The following RBFOX1 variants were observed in gnomAD, a reference collection of about 807,000 sequenced individuals.
RBFOX1 encodes the protein RNA binding protein fox-1 homolog 1.
Under a neutral mutation model 57.7 loss-of-function variants are expected in RBFOX1, and 8 were observed. The observed-to-expected ratio is 0.14, with a 90% CI of 0.08 to 0.25. The LOEUF (loss-of-function observed/expected upper bound fraction) is 0.25. Ranked by LOEUF, RBFOX1 falls within the 10% of genes least tolerant of loss-of-function variation. RBFOX1 has a pLI of 1.00. For synonymous variants in RBFOX1, 326 were observed against 222.4 expected (o/e 1.47, Z -4.15); for missense variants, 611 against 548.5 (o/e 1.11, Z -1.14).
Position 7,522,967 on chromosome 16 carries a change from C to A in RBFOX1, c.270+4578C>A, listed in dbSNP as rs571343241. Among the ~76,000 whole-genome samples, 49 of 152,282 alleles carry A rather than the reference C, an allele frequency of 3.2e-4. 1 individual carries two copies. In the South Asian group the frequency reaches 9.9e-3, roughly 31 times the overall value. ...TCTGTCCATTATCTCAAAGTCTTTT[C>A]TTGCTCTTTTTTGATCCTCCCCTCC... On this transcript the variant is annotated intron_variant, in intron 5 of 15. Transcript: ENST00000550418.
At chr16:7,596,970 C>T (rs1280774061) in intron 8 of RBFOX1, among the ~76,000 whole-genome samples, 1 of 152,036 alleles carries the variant, frequency 6.6e-6, no homozygotes, top group Non-Finnish European at 1.5e-5. Context: ...TTCCCTTGTA[C>T]CTTGTCTCTT....
At chr16:7,707,782 G>C (rs903330841) in intron 14 of RBFOX1, among the ~76,000 whole-genome samples, 1 of 152,144 alleles carries the variant, frequency 6.6e-6, no homozygotes, top group African/African-American at 2.4e-5. Context: ...AAACCCATAG[G>C]ATCAGGTCGC....
chr16:7,080,959 A>G (rs767572254), intron 4 of RBFOX1, among the ~76,000 whole-genome samples: 5 of 152,190 alleles, frequency 3.3e-5, no homozygotes, highest in Non-Finnish European at 7.3e-5. Flanking sequence ...TTTAGTAACT[A>G]AAGCTCTGCA....
intron 2 of RBFOX1, among the ~76,000 whole-genome samples, chr16:6,414,526 T>G (rs1436525964): frequency 2.0e-5 from 3 of 152,216 alleles, no homozygotes. Context: ...AACAAGATAG[T>G]TTCCGGCAGT....
intron 4 of RBFOX1, among the ~76,000 whole-genome samples, chr16:7,289,844 A>G (rs942117704): frequency 6.6e-6 from 1 of 152,204 alleles, no homozygotes; most frequent in Non-Finnish European, 1.5e-5. Flanking sequence ...GAAGTTTTAA[A>G]TAACTTGCCA....
intron 1 of RBFOX1, among the ~76,000 whole-genome samples, chr16:5,300,131 C>A (rs1445191655): frequency 6.6e-6 from 1 of 151,840 alleles, no homozygotes; most frequent in Non-Finnish European, 1.5e-5. Flanking sequence ...ATGAACCAAT[C>A]TTACATTCCT....
At chr16:6,490,439 C>G (rs556245678) in intron 2 of RBFOX1, among the ~76,000 whole-genome samples, 61 of 152,266 alleles carry the variant, frequency 4.0e-4, no homozygotes, top group Non-Finnish European at 7.2e-4. Flanking sequence ...ATCTCGAATA[C>G]AAGCCACCGT....
chr16:7,199,931 A>ACC (rs2087873890), intron 4 of RBFOX1, among the ~76,000 whole-genome samples: 1 of 151,376 alleles, frequency 6.6e-6, no homozygotes, highest in Admixed American at 6.6e-5. Flanking sequence ...CAACAACAAC[A>ACC]AAGAAATTAG....
intron 4 of RBFOX1, among the ~76,000 whole-genome samples, chr16:7,137,609 A>G (rs2072399776): frequency 6.6e-6 from 1 of 152,184 alleles, no homozygotes; most frequent in South Asian, 2.1e-4. Context: ...GTATGTCTTT[A>G]TCAGCAGCCT....
chr16:6,787,915 C>G (rs1369524505), intron 3 of RBFOX1, among the ~76,000 whole-genome samples: 3 of 152,164 alleles, frequency 2.0e-5, no homozygotes, highest in Non-Finnish European at 4.4e-5. Context: ...TCTGTCATTA[C>G]TAAACAGCTG....
intron 3 of RBFOX1, among the ~76,000 whole-genome samples, chr16:6,867,591 G>A (rs114929008): frequency 0.011 from 1,722 of 152,092 alleles, 35 homozygotes; most frequent in African/African-American, 0.039. Context: ...TGGTGGTACC[G>A]GCCTGTAATC....
chr16:7,647,354 A>C (rs2063949069), intron 11 of RBFOX1, among the ~76,000 whole-genome samples: 1 of 152,118 alleles, frequency 6.6e-6, no homozygotes, highest in South Asian at 2.1e-4. Flanking sequence ...GTGATACCAG[A>C]TTTTTCTCTT....
intron 4 of RBFOX1, among the ~76,000 whole-genome samples, chr16:7,310,183 C>T (rs2096276891): frequency 6.6e-6 from 1 of 152,130 alleles, no homozygotes; most frequent in Non-Finnish European, 1.5e-5. Flanking sequence ...AGCAATGGAC[C>T]CGCAGGCCGC....
chr16:7,628,260 A>G (rs2060387390), intron 10 of RBFOX1, among the ~76,000 whole-genome samples: 1 of 152,154 alleles, frequency 6.6e-6, no homozygotes, highest in African/African-American at 2.4e-5. Flanking sequence ...AAGGTTGAGG[A>G]GCATTCCCTA....
intron 1 of RBFOX1, among the ~76,000 whole-genome samples, chr16:6,021,659 C>T (rs1371202284): frequency 1.3e-5 from 2 of 152,212 alleles, no homozygotes; most frequent in Non-Finnish European, 2.9e-5. Flanking sequence ...TCATTCCTCG[C>T]GGTAGTGGAA....
At chr16:7,032,039 C>G (rs114582750) in intron 3 of RBFOX1, among the ~76,000 whole-genome samples, 1,619 of 152,268 alleles carry the variant, frequency 0.011, 28 homozygotes, top group African/African-American at 0.033. Flanking sequence ...GTCGATTCTC[C>G]TTTGTATTTA....
chr16:7,047,573 A>C (rs1330996692), intron 3 of RBFOX1, among the ~76,000 whole-genome samples: 1 of 149,676 alleles, frequency 6.7e-6, no homozygotes, highest in East Asian at 2.0e-4. Context: ...GAAATTGTTT[A>C]TATCTTTTGT....
chr16:7,365,397 A>C (rs1167696790), intron 4 of RBFOX1, among the ~76,000 whole-genome samples: 1 of 152,236 alleles, frequency 6.6e-6, no homozygotes, highest in African/African-American at 2.4e-5. Context: ...AGCCATAGCC[A>C]GGCAGGACAA....
At chr16:6,996,599 G>C (rs1430062542) in intron 3 of RBFOX1, among the ~76,000 whole-genome samples, 1 of 152,098 alleles carries the variant, frequency 6.6e-6, no homozygotes, top group East Asian at 1.9e-4. Flanking sequence ...TTATGCTTTA[G>C]GCACTGTATT....
Sources: allele counts gnomAD v4.1 joint callset (sites outside exome capture counted in the v4.1 genomes callset), GRCh38; gene constraint gnomAD v4.1.1; transcripts MANE v1.5; gene names NCBI Gene and HGNC (gene_info 2026-07-23, HGNC 2026-07-21).